Variants in CFAP77 observed in about 807,000 individuals in gnomAD.
CFAP77 encodes the protein cilia- and flagella-associated protein 77.
A neutral mutation model predicts 31.1 loss-of-function variants in CFAP77; 25 were observed. That is an observed-to-expected ratio of 0.80 (90% CI 0.59 to 1.12). The LOEUF is 1.12. CFAP77 is among the 50% of genes most tolerant of loss of function. The pLI is 0.00. For synonymous variants in CFAP77, 151 were observed against 159.9 expected, an observed-to-expected ratio of 0.94 and a Z score of 0.42; for missense variants, 377 against 397.3, an observed-to-expected ratio of 0.95 and a Z score of 0.44.
At chr9:132,421,281 C>A (rs1850211563) in intron 1 of CFAP77, among the ~76,000 whole-genome samples, 1 of 151,822 alleles carries the variant, frequency 6.6e-6, no homozygotes, top group Non-Finnish European at 1.5e-5. Flanking sequence ...CGTGAGCCAC[C>A]ATGCCCGGCC....
chr9:132,417,766 A>G (rs761818343), intron 1 of CFAP77, among the ~76,000 whole-genome samples: 4 of 152,210 alleles, frequency 2.6e-5, no homozygotes, highest in African/African-American at 7.2e-5. Context: ...CCCGAGTCCA[A>G]ATATTTATGT....
Position 132,458,601 on chromosome 9 carries a change from A to C in CFAP77, c.196-40094A>C, listed in dbSNP as rs1850971975. 3.9e-5 allele frequency among the ~76,000 whole-genome samples: 6 copies of C among 152,154 alleles called. 1 individual carries two copies. The South Asian group carries it at 1.2e-3, about 31-fold the overall frequency. On this transcript the variant is annotated intron_variant, in intron 1 of 5. Coordinates refer to ENST00000393216, the MANE Select transcript of CFAP77 (RefSeq NM_001282957.2). ...GGGAATTAGCATTGGGTAGCTCAGC[A>C]CTGTCCGGTGGAACTTTCTGGAGGG...
chr9:132,568,013 A>G (rs1390500919), intron 5 of CFAP77, among the ~76,000 whole-genome samples: 2 of 152,110 alleles, frequency 1.3e-5, no homozygotes, highest in Admixed American at 6.5e-5. Flanking sequence ...ACATGGACCT[A>G]TCTTTCTGGG....
At chr9:132,542,785 G>A (rs1243246786) in intron 4 of CFAP77, among the ~76,000 whole-genome samples, 161 bp from the exon 5 acceptor site, 1 of 151,760 alleles carries the variant, frequency 6.6e-6, no homozygotes, top group Non-Finnish European at 1.5e-5. Context: ...ATGGAGGCAG[G>A]TGGTGTGAAA....
chr9:132,503,918 A>G (rs1215812707), intron 3 of CFAP77, among the ~76,000 whole-genome samples: 1 of 152,170 alleles, frequency 6.6e-6, no homozygotes, highest in Non-Finnish European at 1.5e-5. Flanking sequence ...GCGTGGTGGC[A>G]TGCATCTGTA....
intron 1 of CFAP77, among the ~76,000 whole-genome samples, chr9:132,467,774 T>C (rs970293969): frequency 5.3e-5 from 8 of 152,200 alleles, no homozygotes; most frequent in African/African-American, 1.7e-4. Context: ...ACCACCATTC[T>C]GTTTTCCACA....
At chr9:132,507,769 G>A (rs1851957562) in intron 3 of CFAP77, among the ~76,000 whole-genome samples, 1 of 152,134 alleles carries the variant, frequency 6.6e-6, no homozygotes, top group South Asian at 2.1e-4. Context: ...GGCAGTTTCT[G>A]AAGGGCGAGA....
intron 3 of CFAP77, among the ~76,000 whole-genome samples, chr9:132,508,648 G>T (rs1851979825): frequency 6.6e-6 from 1 of 152,014 alleles, no homozygotes; most frequent in Non-Finnish European, 1.5e-5. Flanking sequence ...TGTTGGAAGG[G>T]GGCAGTCCTC....
chr9:132,513,019 T>TA (rs1008372555), intron 3 of CFAP77, among the ~76,000 whole-genome samples: 5 of 152,166 alleles, frequency 3.3e-5, no homozygotes, highest in African/African-American at 1.2e-4. Flanking sequence ...TTTTTTAATT[T>TA]AAAAAAAATT....
At chr9:132,559,095 A>G (rs1852952066) in intron 5 of CFAP77, among the ~76,000 whole-genome samples, 1 of 152,096 alleles carries the variant, frequency 6.6e-6, no homozygotes, top group Admixed American at 6.5e-5. Context: ...GCCTGTAATC[A>G]GCACTTTGGG....
intron 1 of CFAP77, among the ~76,000 whole-genome samples, chr9:132,476,746 C>T (rs970093296): frequency 6.6e-6 from 1 of 152,114 alleles, no homozygotes; most frequent in South Asian, 2.1e-4. Context: ...AGTGATACAG[C>T]CACAAGCCAA....
At chr9:132,553,946 C>T (rs957431080) in intron 5 of CFAP77, among the ~76,000 whole-genome samples, 2 of 152,330 alleles carry the variant, frequency 1.3e-5, no homozygotes, top group South Asian at 4.1e-4. Context: ...TAGTCGGATT[C>T]GTGTATACTA....
At chr9:132,529,869 AAC>A (rs1439402466) in intron 3 of CFAP77, among the ~76,000 whole-genome samples, 1 of 151,882 alleles carries the variant, frequency 6.6e-6, no homozygotes, top group Non-Finnish European at 1.5e-5. Context: ...GAAACTGCCA[AAC>A]AGTTTTCCGG....
rs1198114226 is a variant in CFAP77 at position 132,497,458 on chromosome 9, T to C, written c.196-1237T>C. Among the ~76,000 whole-genome samples the C allele has an allele frequency of 6.6e-6, 1 of 152,214 alleles. No individual in the cohort carries two copies. The highest frequency in any genetic ancestry group is 2.4e-5 in the African/African-American group (1 of 41,462). ...CTTCGAAACCACCGCCTGTGGCCTG[T>C]GGCCTGTGGCCTGTGGACAGTGGAA... On this transcript the variant is annotated intron_variant, in intron 1 of 5. Coordinates refer to ENST00000393216, the MANE Select transcript of CFAP77 (RefSeq NM_001282957.2). This position sits in a 1 kb window ranked among gnomAD's most constrained non-coding sequence, Gnocchi z 4.9.
intron 5 of CFAP77, among the ~76,000 whole-genome samples, chr9:132,551,455 C>A (rs184610714): frequency 0.011 from 1,647 of 152,226 alleles, 38 homozygotes; most frequent in African/African-American, 0.037. Context: ...GCCACCACGC[C>A]CGGCTAATTT....
intron 1 of CFAP77, among the ~76,000 whole-genome samples, chr9:132,453,378 T>C (rs1211928389): frequency 6.7e-6 from 1 of 149,640 alleles, no homozygotes; most frequent in Non-Finnish European, 1.5e-5. Context: ...ACAAAAAAAT[T>C]AGCTGGGCAA....
At chr9:132,478,155 TG>T (rs888514898) in intron 1 of CFAP77, among the ~76,000 whole-genome samples, 4 of 151,986 alleles carry the variant, frequency 2.6e-5, no homozygotes, top group African/African-American at 4.8e-5. Context: ...GACTCGATCA[TG>T]GGGGGTGGTT....
At chr9:132,520,866 C>T (rs1401429050) in intron 3 of CFAP77, among the ~76,000 whole-genome samples, 1 of 152,238 alleles carries the variant, frequency 6.6e-6, no homozygotes, top group Non-Finnish European at 1.5e-5. Flanking sequence ...TGAAGAGCCT[C>T]GAAGGCCAGG....
rs1308174498 is a variant in CFAP77, at chr9:132,495,124, G to A, written c.196-3571G>A. ...GAACTTCCAGCACAGAGGGCTTAGC[G>A]CTGAGTGGGTACAAAATAAATATTT... On this transcript the variant is annotated intron_variant, in intron 1 of 5. Transcript: ENST00000393216. The surrounding 1 kb of genome is among the most constrained non-coding windows in gnomAD (Gnocchi z 4.2). Among the ~76,000 whole-genome samples, 4 of 152,142 alleles carry A rather than the reference G, an allele frequency of 2.6e-5. No individual in the cohort carries two copies. The highest frequency in any genetic ancestry group is 4.8e-5 in the African/African-American group (2 of 41,420).
Sources: gnomAD v4.1 joint callset for allele counts (sites outside exome capture counted in the v4.1 genomes callset) on GRCh38, gnomAD v4.1.1 for gene constraint, Gnocchi (gnomAD v3.1) non-coding constraint, MANE v1.5 for transcripts, NCBI Gene and HGNC (gene_info 2026-07-23, HGNC 2026-07-21) for gene names.